The following SPAG16 variants were observed in gnomAD, a reference collection of about 807,000 sequenced individuals.
SPAG16 encodes the protein sperm associated antigen 16.
A neutral mutation model predicts 80.4 loss-of-function variants in SPAG16; 86 were observed. The ratio of observed to expected loss-of-function variants is 1.07; its 90% CI spans 0.90 to 1.28. SPAG16 has a LOEUF of 1.28. Among genes scored for constraint, SPAG16 ranks in the 50% most tolerant of loss-of-function variants. SPAG16 has a pLI of 0.00. For missense variants in SPAG16, 870 were observed against 765.3 expected (o/e 1.14, Z -1.61); for synonymous variants, 294 against 265.9 (o/e 1.11, Z -1.03).
intron 10 of SPAG16, among the ~76,000 whole-genome samples, chr2:213,701,398 G>A (rs956074766): frequency 1.3e-5 from 2 of 152,122 alleles, no homozygotes; most frequent in Admixed American, 6.6e-5. Flanking sequence ...AGGTGCCAAC[G>A]TGCTAGCAGC....
intron 15 of SPAG16, among the ~76,000 whole-genome samples, chr2:214,324,896 AG>A (rs1254529441): frequency 2.0e-5 from 3 of 152,228 alleles, no homozygotes; most frequent in African/African-American, 7.2e-5. Context: ...GCATGCTCAA[AG>A]GCATGTCATT....
chr2:213,314,294 C>T (rs2063317431), intron 4 of SPAG16, among the ~76,000 whole-genome samples: 1 of 151,714 alleles, frequency 6.6e-6, no homozygotes, highest in African/African-American at 2.4e-5. Flanking sequence ...TTTCAAATTT[C>T]TAATAGTTAT....
intron 13 of SPAG16, among the ~76,000 whole-genome samples, chr2:214,100,524 G>A (rs1292066276): frequency 4.6e-5 from 7 of 152,050 alleles, no homozygotes; most frequent in Admixed American, 1.3e-4. Flanking sequence ...TTCAATACTC[G>A]TCTTTCTCCC....
chr2:213,695,874 T>C (rs186627466), intron 10 of SPAG16, among the ~76,000 whole-genome samples: 30 of 152,310 alleles, frequency 2.0e-4, no homozygotes, highest in Non-Finnish European at 4.1e-4. Flanking sequence ...AAGCCTTTTG[T>C]GGTTGTTAAG....
intron 11 of SPAG16, among the ~76,000 whole-genome samples, chr2:213,898,603 T>G (rs1437973836): frequency 1.3e-5 from 2 of 152,184 alleles, no homozygotes; most frequent in Non-Finnish European, 2.9e-5. Context: ...AAAATCTTTG[T>G]CAGAAAATTC....
chr2:213,293,495 C>A (rs2062379012), intron 1 of SPAG16, among the ~76,000 whole-genome samples: 1 of 152,178 alleles, frequency 6.6e-6, no homozygotes, highest in Admixed American at 6.5e-5. Flanking sequence ...TCTTGGACTG[C>A]TTATTCTGGG....
intron 10 of SPAG16, among the ~76,000 whole-genome samples, chr2:213,658,237 G>A (rs2063292531): frequency 6.6e-6 from 1 of 151,972 alleles, no homozygotes; most frequent in South Asian, 2.1e-4. Flanking sequence ...ACTGGCTGGT[G>A]TGCTCCACTT....
intron 14 of SPAG16, among the ~76,000 whole-genome samples, chr2:214,125,573 TA>T (rs2054434105): frequency 6.6e-6 from 1 of 151,802 alleles, no homozygotes; most frequent in African/African-American, 2.4e-5. Flanking sequence ...GACAGTCTGT[TA>T]GAAATAATTC....
At chr2:213,716,584 A>AT (rs1252788886) in intron 10 of SPAG16, among the ~76,000 whole-genome samples, 1 of 152,136 alleles carries the variant, frequency 6.6e-6, no homozygotes, top group African/African-American at 2.4e-5. Context: ...CTTACCAACT[A>AT]TTTTTTTGAG....
intron 15 of SPAG16, among the ~76,000 whole-genome samples, chr2:214,184,894 A>T (rs2057419551): frequency 6.6e-6 from 1 of 152,154 alleles, no homozygotes. Context: ...ACTAAAATTT[A>T]AGTAGTTTAA....
At chr2:213,358,107 G>T (rs1330265590) in intron 7 of SPAG16, among the ~76,000 whole-genome samples, 1 of 152,100 alleles carries the variant, frequency 6.6e-6, no homozygotes, top group East Asian at 1.9e-4. Flanking sequence ...TGGCTTGTAG[G>T]GTTTCTGCCG....
intron 9 of SPAG16, among the ~76,000 whole-genome samples, chr2:213,425,456 T>C (rs1252048960): frequency 6.6e-6 from 1 of 151,838 alleles, no homozygotes; most frequent in African/African-American, 2.4e-5. Context: ...TTGAGATCAG[T>C]ATAGCCAACA....
At chr2:213,951,746 T>C (rs1559623133) in intron 12 of SPAG16, among the ~76,000 whole-genome samples, 4 of 152,168 alleles carry the variant, frequency 2.6e-5, no homozygotes, top group Admixed American at 2.0e-4. Flanking sequence ...CCAAAATGCA[T>C]GCTATAATAA....
intron 10 of SPAG16, among the ~76,000 whole-genome samples, chr2:213,837,869 A>G (rs964358697): frequency 6.6e-6 from 1 of 152,220 alleles, no homozygotes; most frequent in African/African-American, 2.4e-5. Context: ...CCAGAGCCAG[A>G]GAGAAACTGG....
intron 6 of SPAG16, among the ~76,000 whole-genome samples, chr2:213,346,692 G>A (rs1251507190): frequency 6.6e-6 from 1 of 152,086 alleles, no homozygotes; most frequent in Admixed American, 6.6e-5. Flanking sequence ...TTATTGATTT[G>A]CATATGTTGA....
chr2:213,340,631 A>G (rs1480067437), intron 6 of SPAG16, among the ~76,000 whole-genome samples: 6 of 152,202 alleles, frequency 3.9e-5, no homozygotes, highest in African/African-American at 1.2e-4. Flanking sequence ...CTTTGCAGAT[A>G]GTACATCCTC....
chr2:213,637,963 T>C (rs1223468832), intron 10 of SPAG16, among the ~76,000 whole-genome samples: 1 of 152,178 alleles, frequency 6.6e-6, no homozygotes, highest in East Asian at 1.9e-4. Flanking sequence ...TTCACTGTGT[T>C]AGCCAGGATG....
chr2:214,067,913 C>T (rs1030146643), intron 13 of SPAG16, among the ~76,000 whole-genome samples: 1 of 151,994 alleles, frequency 6.6e-6, no homozygotes, highest in African/African-American at 2.4e-5. Flanking sequence ...TGATTAGAGA[C>T]ATAAAAACTA....
intron 15 of SPAG16, among the ~76,000 whole-genome samples, chr2:214,244,138 G>A (rs761985884): frequency 6.6e-6 from 1 of 151,874 alleles, no homozygotes. Context: ...ATAAAGGAAT[G>A]CCTTCAAATT....
Sources: gnomAD v4.1 joint callset for allele counts (sites outside exome capture counted in the v4.1 genomes callset) on GRCh38, gnomAD v4.1.1 for gene constraint, MANE v1.5 for transcripts, NCBI Gene and HGNC (gene_info 2026-07-23, HGNC 2026-07-21) for gene names.